The following AP3B1 variants were observed in gnomAD, a reference collection of about 807,000 sequenced individuals.
The protein encoded by AP3B1 is AP-3 complex subunit beta-1.
A neutral mutation model predicts 132.5 loss-of-function variants in AP3B1; 61 were observed. That is an observed-to-expected ratio of 0.46 (90% confidence interval 0.37 to 0.57). AP3B1 has a LOEUF of 0.57. AP3B1 is among the 20% of genes least tolerant of loss of function. The probability of loss-of-function intolerance (pLI) is 0.00; values close to 1 mark genes in which losing one functional copy is unlikely to be tolerated. For missense variants in AP3B1, 1,120 were observed against 1,289.4 expected, an observed-to-expected ratio of 0.87 and a Z score of 2.01; for synonymous variants, 388 against 438.3, an observed-to-expected ratio of 0.89 and a Z score of 1.43.
At chr5:78,273,377 G>C (rs529334968) in intron 1 of AP3B1, among the ~76,000 whole-genome samples, 2 of 152,204 alleles carry the variant, frequency 1.3e-5, no homozygotes, top group South Asian at 4.2e-4. Flanking sequence ...CTGTGGCCTG[G>C]GTGACAGAGT....
chr5:78,037,661 G>C lies in AP3B1; in HGVS notation c.2809+1382C>G, dbSNP rs142669978. On this transcript the variant is annotated intron_variant, in intron 23 of 26. Transcript: ENST00000255194. ...CAAAGAGCTCAGATAAAGAAAAATGGAAGAGTTATGTGAAACAATGAGTAA... is the reference window on the plus strand; with the variant it reads ...CAAAGAGCTCAGATAAAGAAAAATGCAAGAGTTATGTGAAACAATGAGTAA... 5.2e-3 allele frequency among the ~76,000 whole-genome samples: 798 copies of C among 152,270 alleles called. 4 individuals carry two copies. The highest frequency in any genetic ancestry group is 0.018 in the African/African-American group (764 of 41,546).
chr5:78,170,366 C>G (rs969551711), intron 11 of AP3B1, among the ~76,000 whole-genome samples: 2 of 152,200 alleles, frequency 1.3e-5, no homozygotes, highest in African/African-American at 4.8e-5. Context: ...AGTTTACAGT[C>G]CCACCAACAG....
intron 12 of AP3B1, among the ~76,000 whole-genome samples, chr5:78,165,086 A>G (rs898064571): frequency 2.6e-5 from 4 of 152,132 alleles, no homozygotes; most frequent in African/African-American, 9.7e-5. Context: ...TTTTGGGGGG[A>G]AATGCAGCTA....
chr5:78,149,906 T>C (rs537237193), intron 14 of AP3B1, among the ~76,000 whole-genome samples: 1 of 151,892 alleles, frequency 6.6e-6, no homozygotes, highest in East Asian at 1.9e-4. Flanking sequence ...GTTCAGATGC[T>C]AAATGACTCC....
At chr5:78,264,296 GA>G (rs1275886826) in intron 2 of AP3B1, among the ~76,000 whole-genome samples, 1 of 152,154 alleles carries the variant, frequency 6.6e-6, no homozygotes, top group Non-Finnish European at 1.5e-5. Flanking sequence ...CAATAAAGAT[GA>G]GATAAAAGTT....
At chr5:78,076,626 C>A (rs943849830) in intron 22 of AP3B1, among the ~76,000 whole-genome samples, 2 of 152,216 alleles carry the variant, frequency 1.3e-5, no homozygotes, top group African/African-American at 2.4e-5. Flanking sequence ...AGGGTTGGGG[C>A]GTTGAGCTAC....
intron 3 of AP3B1, among the ~76,000 whole-genome samples, chr5:78,230,173 C>T (rs35209001): frequency 0.33 from 50,773 of 152,018 alleles, 8,577 homozygotes; most frequent in Middle Eastern, 0.43. Flanking sequence ...ACTGTCCTCA[C>T]GGAATTTTTT....
chr5:78,111,293 C>T (rs1751579294), intron 19 of AP3B1, among the ~76,000 whole-genome samples: 1 of 152,062 alleles, frequency 6.6e-6, no homozygotes, highest in Admixed American at 6.6e-5. Context: ...AAGTGCTTAA[C>T]ACCATTCATT....
chr5:78,053,008 T>C (rs2112127859), intron 22 of AP3B1, among the ~76,000 whole-genome samples: 1 of 152,340 alleles, frequency 6.6e-6, no homozygotes, highest in Admixed American at 6.5e-5. Flanking sequence ...CAAATTTCTT[T>C]AGAACCCAGA....
At chr5:78,198,214 G>GA (rs1745149522) in intron 7 of AP3B1, among the ~76,000 whole-genome samples, 2 of 152,146 alleles carry the variant, frequency 1.3e-5, no homozygotes, top group African/African-American at 4.8e-5. Flanking sequence ...ACACCAGGAT[G>GA]AAACAATCTC....
At chr5:78,285,675 A>AC (rs1749247107) in intron 1 of AP3B1, among the ~76,000 whole-genome samples, 1 of 151,546 alleles carries the variant, frequency 6.6e-6, no homozygotes, top group Non-Finnish European at 1.5e-5. Context: ...TTTAAAAAAA[A>AC]ATTCCTCTTT....
intron 22 of AP3B1, among the ~76,000 whole-genome samples, chr5:78,073,920 T>A (rs570885452): frequency 1.3e-5 from 2 of 152,304 alleles, no homozygotes; most frequent in African/African-American, 4.8e-5. Flanking sequence ...TTCTTGCAGA[T>A]CTGTGTGCAT....
At chr5:78,294,281 C>T (rs578087014) in intron 1 of AP3B1, among the ~76,000 whole-genome samples, 171 bp downstream of exon 1, 2 of 152,300 alleles carry the variant, frequency 1.3e-5, no homozygotes, top group Non-Finnish European at 2.9e-5. Context: ...TCCCACAACT[C>T]CCACCACCGC....
At chr5:78,150,427 C>A (rs1019185624) in intron 14 of AP3B1, among the ~76,000 whole-genome samples, 1 of 152,156 alleles carries the variant, frequency 6.6e-6, no homozygotes, top group African/African-American at 2.4e-5. Flanking sequence ...TTGGAAAAGG[C>A]ATAGTTAATG....
At chr5:78,163,717 TAAC>T (rs1007432884) in intron 12 of AP3B1, among the ~76,000 whole-genome samples, 1 of 150,832 alleles carries the variant, frequency 6.6e-6, no homozygotes, top group African/African-American at 2.4e-5. Context: ...ATCACTGATT[TAAC>T]AACAGGAAGT....
At position 78,227,543 on chromosome 5, in the gene AP3B1, T is replaced by C. The variant is rs746590290; in HGVS notation, c.376-11A>G. On this transcript the variant is annotated splice_polypyrimidine_tract_variant and intron_variant, in intron 4 of 26. Coordinates refer to ENST00000255194, the MANE Select transcript of AP3B1 (RefSeq NM_003664.5). ...TAGTTGGTTTGGGTCCTAAAAATAG[T>C]GCAAAAATATTCACCAAAATTTCAA... The C allele has an allele frequency of 3.1e-6, 5 of 1,613,318 alleles. No individual in the cohort carries two copies. Among genetic ancestry groups the C allele is most frequent in the Non-Finnish European group, 4.2e-6 (5 of 1,179,544 alleles).
At chr5:78,227,609 A>G in intron 4 of AP3B1, 77 bp from the exon 5 acceptor site, 1 of 1,372,236 alleles carries the variant, frequency 7.3e-7, no homozygotes, top group Admixed American at 1.7e-5. Flanking sequence ...CACAGTTAAT[A>G]GGTGCTTAAA....
intron 2 of AP3B1, among the ~76,000 whole-genome samples, chr5:78,265,787 T>C (rs1336962251): frequency 6.6e-6 from 1 of 152,248 alleles, no homozygotes; most frequent in Admixed American, 6.5e-5. Flanking sequence ...ATTCAGTCTC[T>C]TAAAAACGTG....
At chr5:78,016,968 G>T (rs1746882544) in intron 25 of AP3B1, among the ~76,000 whole-genome samples, 1 of 152,082 alleles carries the variant, frequency 6.6e-6, no homozygotes, top group African/African-American at 2.4e-5. Flanking sequence ...CTGAATAAAT[G>T]AATGCAACTA....
Sources: allele counts gnomAD v4.1 joint callset (sites outside exome capture counted in the v4.1 genomes callset), GRCh38; gene constraint gnomAD v4.1.1; transcripts MANE v1.5; gene names NCBI Gene and HGNC (gene_info 2026-07-23, HGNC 2026-07-21).